The following EP300 variants were observed in gnomAD, a reference collection of about 807,000 sequenced individuals.
The protein encoded by EP300 is histone acetyltransferase p300.
A neutral mutation model predicts 264.0 loss-of-function variants in EP300; 31 were observed. The observed-to-expected ratio is 0.12, with a 90% CI of 0.09 to 0.16. The LOEUF (loss-of-function observed/expected upper bound fraction) is 0.16. Ranked by LOEUF, EP300 falls within the 10% of genes least tolerant of loss-of-function variation. EP300 has a pLI of 1.00. For synonymous variants in EP300, 1,340 were observed against 1,045.4 expected, an observed-to-expected ratio of 1.28 and a Z score of -5.44; for missense variants, 2,766 against 3,052.9, an observed-to-expected ratio of 0.91 and a Z score of 2.21.
intron 29 of EP300, chr22:41,175,927 C>T (rs1266870172): frequency 5.3e-6 from 2 of 377,684 alleles, no homozygotes; most frequent in Non-Finnish European, 1.0e-5. Context: ...TCGCCAGTCT[C>T]ATTGGTGCTC....
At chr22:41,120,136 T>C (rs1229226437) in intron 2 of EP300, among the ~76,000 whole-genome samples, 3 of 152,218 alleles carry the variant, frequency 2.0e-5, no homozygotes, top group South Asian at 4.1e-4. Flanking sequence ...TATATTGATA[T>C]TTTGTAGAGT....
In EP300 at chr22:41,176,372, G is replaced by A. The variant is rs1247485753; in HGVS notation, c.4905G>A (p.Arg1635=). The A allele has an allele frequency of 6.2e-7, 1 of 1,614,218 alleles. No individual in the cohort carries two copies. The highest frequency in any genetic ancestry group is 8.5e-7 in the Non-Finnish European group (1 of 1,180,048). Residue 1635 remains arginine, a synonymous_variant, in exon 30 of 31, where the codon AGG becomes AGA. Coordinates refer to ENST00000263253, the MANE Select transcript of EP300 (RefSeq NM_001429.4). ...GGGATGCGTTTCTCACGCTGGCAAG[G>A]GACAAGCACCTGGAGTTCTCTTCAC... The part of the protein sequence containing the change: ...DGRDAFLTLA[R]DKHLEFSSLR...
rs1471775423 is a variant in EP300, at chr22:41,179,211, A to G, written c.*255A>G. On this transcript the variant is annotated 3_prime_UTR_variant, in exon 31 of 31. Coordinates refer to ENST00000263253, the MANE Select transcript of EP300 (RefSeq NM_001429.4). ...TCTTCCCCTTTGTGTGTGTGGTTCA[A>G]GTGTGCACTGGGAGGAGGCTGAGGC... 5.0e-5 allele frequency: 26 copies of G among 525,242 alleles called. No homozygotes were observed. Among genetic ancestry groups the G allele is most frequent in the Non-Finnish European group, 4.1e-5 (12 of 294,766 alleles). The allele number at this position is 525,242 out of a possible 1,614,324, so 32.5% of individuals were successfully genotyped here. A position where few individuals can be genotyped will look rare whatever the true frequency, so the allele number is the denominator to read the frequency against.
At chr22:41,163,449 A>T (rs916741989) in intron 21 of EP300, among the ~76,000 whole-genome samples, 6 of 124,606 alleles carry the variant, frequency 4.8e-5, no homozygotes, top group Admixed American at 8.4e-5. Context: ...AAAAAAAAAA[A>T]AAAAAATTAG....
At chr22:41,120,086 C>G (rs1020526704) in intron 2 of EP300, among the ~76,000 whole-genome samples, 2 of 152,136 alleles carry the variant, frequency 1.3e-5, no homozygotes, top group Non-Finnish European at 2.9e-5. Context: ...AGTGTTGCCA[C>G]CGCACCTAGG....
intron 19 of EP300, chr22:41,158,762 T>A (rs907020409): frequency 4.3e-6 from 2 of 464,696 alleles, no homozygotes; most frequent in African/African-American, 2.0e-5. Flanking sequence ...CCTAGATGGG[T>A]CTATATCCCA....
chr22:41,124,744 G>A (rs559492316), intron 2 of EP300, among the ~76,000 whole-genome samples: 2 of 152,294 alleles, frequency 1.3e-5, no homozygotes, highest in South Asian at 4.1e-4. Flanking sequence ...CATGTGTGAC[G>A]TAATGGAAAT....
chr22:41,122,913 G>A (rs750327251), intron 2 of EP300, among the ~76,000 whole-genome samples: 3 of 152,118 alleles, frequency 2.0e-5, no homozygotes, highest in Non-Finnish European at 4.4e-5. Context: ...GTGCAAGCTT[G>A]TAGTCCCATC....
intron 26 of EP300, among the ~76,000 whole-genome samples, chr22:41,169,870 A>G (rs1338018268): frequency 2.0e-5 from 3 of 152,120 alleles, no homozygotes. Flanking sequence ...CTTTGCTTTG[A>G]AGTTTGATTT....
intron 2 of EP300, among the ~76,000 whole-genome samples, chr22:41,125,568 T>G (rs2058877030): frequency 6.6e-6 from 1 of 152,098 alleles, no homozygotes; most frequent in Non-Finnish European, 1.5e-5. Context: ...GCCCGGCCAC[T>G]TGGTTTTTTG....
intron 5 of EP300, among the ~76,000 whole-genome samples, chr22:41,130,704 T>C (rs2058913878): frequency 6.6e-6 from 1 of 152,194 alleles, no homozygotes; most frequent in Non-Finnish European, 1.5e-5. Flanking sequence ...GGGCAAGTTA[T>C]TCTTTTATAC....
Position 41,180,067 on chromosome 22 carries a change from T to A in EP300, c.*1111T>A, listed in dbSNP as rs1213204406. Reference sequence around the variant, plus strand: ...ATTACCTATTGTTAAATAAACTGTGTGAGACAGACACCCTGACTTTGTTTC... The same window carrying A: ...ATTACCTATTGTTAAATAAACTGTGAGAGACAGACACCCTGACTTTGTTTC... On this transcript the variant is annotated 3_prime_UTR_variant, in exon 31 of 31. Coordinates refer to ENST00000263253, the MANE Select transcript of EP300 (RefSeq NM_001429.4). 2 of 229,092 alleles carry A rather than the reference T, an allele frequency of 8.7e-6. No individual in the cohort carries two copies. The highest frequency in any genetic ancestry group is 5.7e-5 in the Admixed American group (1 of 17,632). The allele number at this position is 229,092 out of a possible 1,614,324, so 14.2% of individuals were successfully genotyped here. A position where few individuals can be genotyped will look rare whatever the true frequency, so the allele number is the denominator to read the frequency against.
At chr22:41,106,379 A>AT (rs2058758189) in intron 1 of EP300, among the ~76,000 whole-genome samples, 1 of 152,006 alleles carries the variant, frequency 6.6e-6, no homozygotes, top group Non-Finnish European at 1.5e-5. Flanking sequence ...TTTTTGTTTC[A>AT]TTTTTTAAAA....
Position 41,170,418 on chromosome 22 carries a change from G to A in EP300, c.4299G>A (p.Gly1433=), listed in dbSNP as rs761258080. Residue 1433 remains glycine, a synonymous_variant, in exon 27 of 31, where the codon GGG becomes GGA. Coordinates refer to ENST00000263253, the MANE Select transcript of EP300 (RefSeq NM_001429.4). ...EYVKKLGYTT[G]HIWACPPSEG... is the part of the protein sequence containing the mutation. The stretch of plus-strand genomic sequence containing the variant: ...TTTGTATTGTTAGTTACACAACAGG[G>A]CATATTTGGGCATGTCCACCAAGTG... 5.0e-6 allele frequency: 8 copies of A among 1,613,494 alleles called. No individual in the cohort carries two copies. The African/African-American group carries it at 6.7e-5, about 13-fold the overall frequency.
rs532564136 is a variant in EP300 at position 41,134,384 on chromosome 22, A to G, written c.1529-1429A>G. ...AAACGTACGTGTGTGTGTGTGTGAG[A>G]TTGGTCTCACTGTGTGTGTATGTGT... On this transcript the variant is annotated intron_variant, in intron 6 of 30. Coordinates refer to ENST00000263253, the MANE Select transcript of EP300 (RefSeq NM_001429.4). Among the ~76,000 whole-genome samples, 9 of 151,442 alleles carry G rather than the reference A, an allele frequency of 5.9e-5. No homozygotes were observed. In the East Asian group the frequency reaches 1.7e-3, roughly 29 times the overall value.
intron 1 of EP300, among the ~76,000 whole-genome samples, chr22:41,105,094 G>A (rs1043817144): frequency 7.3e-5 from 11 of 151,604 alleles, no homozygotes; most frequent in African/African-American, 2.7e-4. Context: ...CTACTCAGGA[G>A]GCTGAGGCAG....
chr22:41,177,570 A>G lies in EP300; in HGVS notation c.5859A>G (p.Gln1953=), dbSNP rs372759477. 4 of 1,614,034 alleles carry G rather than the reference A, an allele frequency of 2.5e-6. No individual in the cohort carries two copies. In the African/African-American group the frequency reaches 4.0e-5, roughly 16 times the overall value. The change falls in exon 31 of 31, where the codon CAA becomes CAG. Residue 1953 remains glutamine, a synonymous_variant. Transcript: ENST00000263253. ...AHVQIFQRPI[Q]HQMPPMTPMA... ...TGCAAATTTTTCAAAGGCCAATCCA[A>G]CACCAGATGCCCCCGATGACTCCCA...
chr22:41,093,140 T>C, intron 1 of EP300, 42 bp downstream of exon 1: 24 of 1,584,010 alleles, frequency 1.5e-5, no homozygotes, highest in Non-Finnish European at 2.1e-5. Context: ...CCCTTTAATC[T>C]TTTCTACTCG....
chr22:41,096,456 T>G (rs1289848229), intron 1 of EP300, among the ~76,000 whole-genome samples: 3 of 152,024 alleles, frequency 2.0e-5, no homozygotes, highest in African/African-American at 7.2e-5. Flanking sequence ...CTTGGTACAG[T>G]TTTGTGGCCC....
Sources: allele counts gnomAD v4.1 joint callset (sites outside exome capture counted in the v4.1 genomes callset), GRCh38; gene constraint gnomAD v4.1.1; transcripts MANE v1.5; gene names NCBI Gene and HGNC (gene_info 2026-07-23, HGNC 2026-07-21).